Variants in FBXW10B observed in about 807,000 individuals in gnomAD.
FBXW10B encodes F-box and WD repeat domain containing protein 10B.
At chr17:15,594,792 C>T in the FBXW10B span, 3 of 1,613,994 alleles carry the variant, frequency 1.9e-6, no homozygotes, top group Non-Finnish European at 2.5e-6. Flanking sequence ...ACTTCCCCAC[C>T]ATGCTCCAGG....
chr17:15,578,775 C>G, the FBXW10B span, among the ~76,000 whole-genome samples: 1 of 152,230 alleles, frequency 6.6e-6, no homozygotes, highest in African/African-American at 2.4e-5. Flanking sequence ...ACAAATTACC[C>G]TTAATTTAAG....
At chr17:15,580,832 TAATG>T in the FBXW10B span, among the ~76,000 whole-genome samples, 8 of 152,038 alleles carry the variant, frequency 5.3e-5, no homozygotes, top group Non-Finnish European at 1.2e-4. Flanking sequence ...TGAGAAATTT[TAATG>T]AATGAATGAA....
At chr17:15,575,000 AC>A in the FBXW10B span, among the ~76,000 whole-genome samples, 4 of 143,820 alleles carry the variant, frequency 2.8e-5, no homozygotes, top group East Asian at 8.7e-4. Context: ...GTCCTTGAAC[AC>A]CTTCCACTTA....
chr17:15,608,610 C>T, the FBXW10B span, among the ~76,000 whole-genome samples: 2 of 151,952 alleles, frequency 1.3e-5, no homozygotes, highest in South Asian at 2.1e-4. Context: ...TGTGCCACCA[C>T]GCCTGGCTAA....
the FBXW10B span, among the ~76,000 whole-genome samples, chr17:15,576,774 A>G: frequency 1.3e-5 from 2 of 151,052 alleles, no homozygotes; most frequent in South Asian, 4.2e-4. Flanking sequence ...TTATTTAGAG[A>G]GGATAAATTA....
At chr17:15,567,837 T>C in the FBXW10B span, among the ~76,000 whole-genome samples, 1 of 152,238 alleles carries the variant, frequency 6.6e-6, no homozygotes, top group Non-Finnish European at 1.5e-5. Context: ...TTACAGAATT[T>C]GAATGTCTTT....
At chr17:15,582,032 AC>A in the FBXW10B span, among the ~76,000 whole-genome samples, 1 of 152,212 alleles carries the variant, frequency 6.6e-6, no homozygotes, top group Non-Finnish European at 1.5e-5. Flanking sequence ...AACATATTTC[AC>A]AAAAAATTTA....
At chr17:15,586,307 T>C in the FBXW10B span, among the ~76,000 whole-genome samples, 15 of 151,626 alleles carry the variant, frequency 9.9e-5, no homozygotes, top group African/African-American at 3.7e-4. Context: ...TGGGGGGGCA[T>C]TGTCCCCATA....
the FBXW10B span, among the ~76,000 whole-genome samples, chr17:15,590,737 G>A: frequency 6.6e-6 from 1 of 151,178 alleles, no homozygotes; most frequent in African/African-American, 2.4e-5. Context: ...TGGAGACCAT[G>A]AAAGACAGTG....
the FBXW10B span, among the ~76,000 whole-genome samples, chr17:15,593,778 G>T: frequency 9.3e-4 from 141 of 152,142 alleles, 1 homozygote; most frequent in Non-Finnish European, 1.6e-3. Context: ...ACAGTGATGC[G>T]CCACCAAGCC....
At chr17:15,582,923 G>C in the FBXW10B span, among the ~76,000 whole-genome samples, 2 of 149,834 alleles carry the variant, frequency 1.3e-5, no homozygotes, top group Non-Finnish European at 3.0e-5. Context: ...TCTCAACGAA[G>C]CATTTGATAA....
the FBXW10B span, chr17:15,573,358 C>T: frequency 2.6e-5 from 4 of 152,196 alleles, no homozygotes; most frequent in Admixed American, 2.6e-4. Context: ...AATTCTCCAC[C>T]TCTCCTCTAC....
At chr17:15,591,322 C>T in the FBXW10B span, among the ~76,000 whole-genome samples, 2 of 152,214 alleles carry the variant, frequency 1.3e-5, no homozygotes, top group East Asian at 3.8e-4. Flanking sequence ...TGGCGTCTCG[C>T]TCTGTCGCCC....
chr17:15,607,487 A>C, the FBXW10B span: 1 of 1,179,774 alleles, frequency 8.5e-7, no homozygotes, highest in Non-Finnish European at 1.2e-6. Context: ...TTGCCTTTCC[A>C]TGTACACAAA....
At chr17:15,575,304 C>T in the FBXW10B span, among the ~76,000 whole-genome samples, 1 of 141,282 alleles carries the variant, frequency 7.1e-6, no homozygotes, top group Admixed American at 6.8e-5. Context: ...GACCAACTGG[C>T]CTGAATGGAG....
the FBXW10B span, chr17:15,588,758 A>G: frequency 8.2e-6 from 6 of 735,314 alleles, no homozygotes; most frequent in African/African-American, 8.5e-5. Flanking sequence ...TCTACTGGAT[A>G]GGTGGATTAT....
At chr17:15,575,540 A>G in the FBXW10B span, among the ~76,000 whole-genome samples, 1 of 148,504 alleles carries the variant, frequency 6.7e-6, no homozygotes, top group Non-Finnish European at 1.5e-5. Flanking sequence ...TTCCAGCCTC[A>G]CCATTCATCT....
At chr17:15,572,663 C>T in the FBXW10B span, 4 of 151,428 alleles carry the variant, frequency 2.6e-5, no homozygotes, top group East Asian at 3.9e-4. Flanking sequence ...CACTCCAGAG[C>T]GGGAAGGCAC....
chr17:15,606,994 T>C, the FBXW10B span, among the ~76,000 whole-genome samples: 1 of 152,272 alleles, frequency 6.6e-6, no homozygotes, highest in Admixed American at 6.5e-5. Context: ...TCTCGGCATA[T>C]TGAAATGATG....
Sources: allele counts gnomAD v4.1 joint callset (sites outside exome capture counted in the v4.1 genomes callset), GRCh38; gene constraint gnomAD v4.1.1; transcripts MANE v1.5; gene names NCBI Gene and HGNC (gene_info 2026-07-23, HGNC 2026-07-21).